Variants in THSD7B observed in about 807,000 individuals in gnomAD.
The protein encoded by THSD7B is thrombospondin type-1 domain-containing protein 7B.
A neutral mutation model predicts 213.6 loss-of-function variants in THSD7B; 138 were observed. That is an observed-to-expected ratio of 0.65 (90% CI 0.56 to 0.74). The LOEUF is 0.74. THSD7B is among the 30% of genes least tolerant of loss of function. The pLI is 0.00. For missense variants in THSD7B, 1,931 were observed against 1,991.5 expected (o/e 0.97, Z 0.58); for synonymous variants, 742 against 687.0 (o/e 1.08, Z -1.25).
At chr2:136,843,714 G>A (rs376586975) in intron 1 of THSD7B, among the ~76,000 whole-genome samples, 160 of 152,230 alleles carry the variant, frequency 1.1e-3, no homozygotes, top group African/African-American at 3.8e-3. Context: ...CTGATTTGCA[G>A]GTAAATGGTA....
intron 2 of THSD7B, among the ~76,000 whole-genome samples, chr2:136,903,648 A>G (rs1684097876): frequency 6.6e-6 from 1 of 152,022 alleles, no homozygotes; most frequent in African/African-American, 2.4e-5. Context: ...TCACCCTTCA[A>G]CCCAAAGGAT....
In THSD7B at chr2:136,898,712, G is replaced by A. The variant is rs531503376; in HGVS notation, c.139+16395G>A. On this transcript the variant is annotated intron_variant, in intron 2 of 27. Coordinates refer to ENST00000409968, the MANE Select transcript of THSD7B (RefSeq NM_001316349.2). ...GGCTGGAGTGCAGTGGCATGATCTC[G>A]GCTCATTGCAACCTCCGCCTCCCAG... Among the ~76,000 whole-genome samples the A allele has an allele frequency of 1.1e-4, 17 of 148,326 alleles. No individual in the cohort carries two copies. In the East Asian group the frequency reaches 2.2e-3, roughly 19 times the overall value.
intron 15 of THSD7B, among the ~76,000 whole-genome samples, chr2:137,477,193 G>T (rs576404053): frequency 2.6e-5 from 4 of 152,234 alleles, no homozygotes; most frequent in African/African-American, 7.2e-5. Context: ...TGGTCCTCTG[G>T]TGTTGAGTGT....
intron 12 of THSD7B, among the ~76,000 whole-genome samples, chr2:137,380,614 A>G (rs1685751995): frequency 6.6e-6 from 1 of 152,206 alleles, no homozygotes; most frequent in South Asian, 2.1e-4. Flanking sequence ...TGTGAGGGGT[A>G]TAGGCAGCCT....
intron 14 of THSD7B, among the ~76,000 whole-genome samples, chr2:137,419,663 G>A (rs892094681): frequency 6.6e-6 from 1 of 151,818 alleles, no homozygotes; most frequent in South Asian, 2.1e-4. Context: ...GAAAGGGTAG[G>A]TATATGTAAA....
chr2:137,372,929 T>C (rs927576549), intron 12 of THSD7B, among the ~76,000 whole-genome samples: 1 of 147,602 alleles, frequency 6.8e-6, no homozygotes, highest in African/African-American at 2.5e-5. Flanking sequence ...TTCCCACCTA[T>C]GAGTGTGAAT....
chr2:137,097,297 C>A (rs1450377251), intron 4 of THSD7B, among the ~76,000 whole-genome samples: 1 of 152,134 alleles, frequency 6.6e-6, no homozygotes, highest in Admixed American at 6.6e-5. Context: ...GCTAAGAAAA[C>A]TGAACTACAT....
intron 12 of THSD7B, among the ~76,000 whole-genome samples, chr2:137,359,871 G>A (rs151197268): frequency 1.4e-3 from 219 of 152,180 alleles, no homozygotes; most frequent in Middle Eastern, 0.01. Flanking sequence ...AACACATACA[G>A]GCTCACAAGA....
chr2:136,869,514 C>T (rs1379563409), intron 1 of THSD7B, among the ~76,000 whole-genome samples: 2 of 152,176 alleles, frequency 1.3e-5, no homozygotes, highest in African/African-American at 4.8e-5. Context: ...AACCTGACAA[C>T]ATCTTTTATT....
rs148823624 is a variant in THSD7B, at chr2:137,136,637, C to G, written c.1369+21344C>G. Reference sequence around the variant, plus strand: ...GGAACTCTGAGTATGTGTGTAACCTCTAGTCAACAAATGGCTGTTTGGCTC... The same window carrying G: ...GGAACTCTGAGTATGTGTGTAACCTGTAGTCAACAAATGGCTGTTTGGCTC... On this transcript the variant is annotated intron_variant, in intron 5 of 27. Transcript: ENST00000409968. 9.4e-4 allele frequency among the ~76,000 whole-genome samples: 143 copies of G among 152,234 alleles called. 1 individual carries two copies. Among genetic ancestry groups the G allele is most frequent in the African/African-American group, 3.3e-3 (136 of 41,552 alleles).
chr2:137,211,946 A>G (rs6713475), intron 7 of THSD7B, among the ~76,000 whole-genome samples: 90,697 of 151,888 alleles, frequency 0.6, 27,498 homozygotes, highest in South Asian at 0.71. Flanking sequence ...TATGTATCAT[A>G]GTAAGAAAAA....
rs946004546 is a variant in THSD7B, at chr2:136,864,709, T to C, written c.-35-17435T>C. On this transcript the variant is annotated intron_variant, in intron 1 of 27. Transcript: ENST00000409968. ...CTGGGACCACAGGCTCCAGCCACCATGCCCGGCTAGTTTTTTGTACTTTTA... is the reference window on the plus strand; with the variant it reads ...CTGGGACCACAGGCTCCAGCCACCACGCCCGGCTAGTTTTTTGTACTTTTA... Among the ~76,000 whole-genome samples, 22 of 152,256 alleles carry C rather than the reference T, an allele frequency of 1.4e-4. No individual in the cohort carries two copies. In the East Asian group the frequency reaches 1.5e-3, roughly 11 times the overall value.
chr2:136,877,888 A>G (rs546321833), intron 1 of THSD7B, among the ~76,000 whole-genome samples: 22 of 152,044 alleles, frequency 1.4e-4, no homozygotes, highest in African/African-American at 5.1e-4. Context: ...TCCTATACAC[A>G]TGAGGATCAT....
At chr2:137,519,029 C>T (rs1167982581) in intron 15 of THSD7B, among the ~76,000 whole-genome samples, 2 of 152,118 alleles carry the variant, frequency 1.3e-5, no homozygotes, top group East Asian at 1.9e-4. Flanking sequence ...AGGTGGATCA[C>T]GAGGTCAGGA....
intron 1 of THSD7B, among the ~76,000 whole-genome samples, chr2:136,819,612 T>C (rs1237962551): frequency 6.6e-6 from 1 of 152,120 alleles, no homozygotes; most frequent in Non-Finnish European, 1.5e-5. Flanking sequence ...GGACTTGGGA[T>C]GGCCATCTGA....
At chr2:136,887,115 C>T (rs1238256475) in intron 2 of THSD7B, among the ~76,000 whole-genome samples, 3 of 152,098 alleles carry the variant, frequency 2.0e-5, no homozygotes, top group Non-Finnish European at 2.9e-5. Context: ...ACCATTTTAA[C>T]CACTTCAAAG....
chr2:137,315,402 C>T (rs1245416652), intron 12 of THSD7B, among the ~76,000 whole-genome samples: 1 of 152,148 alleles, frequency 6.6e-6, no homozygotes, highest in East Asian at 1.9e-4. Context: ...CCTGCGCCCA[C>T]TGTCTGGCAC....
At chr2:137,367,577 A>C (rs539068436) in intron 12 of THSD7B, among the ~76,000 whole-genome samples, 47 of 152,172 alleles carry the variant, frequency 3.1e-4, no homozygotes, top group Non-Finnish European at 5.7e-4. Flanking sequence ...CCAGCTTTAA[A>C]ATTCTGTAAT....
chr2:137,080,168 ATG>A (rs36115074), intron 3 of THSD7B, among the ~76,000 whole-genome samples: 30 of 148,276 alleles, frequency 2.0e-4, no homozygotes, highest in Non-Finnish European at 1.5e-4. Flanking sequence ...ATGTAAATAT[ATG>A]TGTGTGTGTG....
Sources: gnomAD v4.1 joint callset for allele counts (sites outside exome capture counted in the v4.1 genomes callset) on GRCh38, gnomAD v4.1.1 for gene constraint, MANE v1.5 for transcripts, NCBI Gene and HGNC (gene_info 2026-07-23, HGNC 2026-07-21) for gene names.